BTBD9: variants seen among roughly 807,000 people sequenced by gnomAD.
BTBD9 encodes BTB/POZ domain-containing protein 9.
In BTBD9, 49 loss-of-function variants were observed where a neutral mutation model predicts 64.3. That is an observed-to-expected ratio of 0.76 (90% CI 0.61 to 0.97). The LOEUF is 0.97. Among genes scored for constraint, BTBD9 ranks in the 50% least tolerant of loss-of-function variants. The pLI is 0.00. For missense variants in BTBD9, 598 were observed against 762.1 expected, an observed-to-expected ratio of 0.78 and a Z score of 2.53; for synonymous variants, 260 against 274.7, an observed-to-expected ratio of 0.95 and a Z score of 0.53.
At chr6:38,485,868 T>TA (rs1187236894) in intron 6 of BTBD9, among the ~76,000 whole-genome samples, 1 of 152,214 alleles carries the variant, frequency 6.6e-6, no homozygotes, top group Admixed American at 6.5e-5. Flanking sequence ...CTCCAGCTAT[T>TA]AAAGTCCTGG....
chr6:38,637,819 ACTTTC>A (rs1263568938), intron 1 of BTBD9, among the ~76,000 whole-genome samples: 1 of 152,240 alleles, frequency 6.6e-6, no homozygotes, highest in Non-Finnish European at 1.5e-5. Context: ...AATATCCTTT[ACTTTC>A]AAGTAAGGAT....
At chr6:38,438,242 G>GTAA (rs1768840679) in intron 6 of BTBD9, among the ~76,000 whole-genome samples, 1 of 126,056 alleles carries the variant, frequency 7.9e-6, no homozygotes, top group Non-Finnish European at 1.8e-5. Flanking sequence ...GAGGGAGGGA[G>GTAA]GGAGGGAGGA....
chr6:38,268,314 G>C (rs1765084644), intron 8 of BTBD9, among the ~76,000 whole-genome samples: 1 of 152,192 alleles, frequency 6.6e-6, no homozygotes, highest in African/African-American at 2.4e-5. Context: ...CAGCGCCAAA[G>C]AGAAATTTAA....
intron 9 of BTBD9, among the ~76,000 whole-genome samples, chr6:38,217,606 G>A (rs549042014): frequency 6.6e-6 from 1 of 152,230 alleles, no homozygotes; most frequent in South Asian, 2.1e-4. Flanking sequence ...GAGAGGGGCT[G>A]TGATGGAACA....
intron 9 of BTBD9, among the ~76,000 whole-genome samples, chr6:38,233,651 C>A (rs1763685831): frequency 6.6e-6 from 1 of 152,186 alleles, no homozygotes; most frequent in South Asian, 2.1e-4. Flanking sequence ...TAGAGTTTAA[C>A]AGGAAGCAAT....
intron 9 of BTBD9, among the ~76,000 whole-genome samples, chr6:38,254,475 CAAA>C (rs566844594): frequency 6.7e-6 from 1 of 149,668 alleles, no homozygotes; most frequent in African/African-American, 2.5e-5. Context: ...AACAAACAAA[CAAA>C]AAAAAACAAT....
intron 7 of BTBD9, among the ~76,000 whole-genome samples, chr6:38,297,785 T>C (rs1762211557): frequency 6.6e-6 from 1 of 151,964 alleles, no homozygotes. Flanking sequence ...ATTTTCTATT[T>C]ACATGTTTTT....
chr6:38,364,288 C>T (rs962398086), intron 6 of BTBD9, among the ~76,000 whole-genome samples: 2 of 152,190 alleles, frequency 1.3e-5, no homozygotes, highest in African/African-American at 4.8e-5. Flanking sequence ...AAGAAAAGCG[C>T]TGTCATGCTG....
intron 8 of BTBD9, among the ~76,000 whole-genome samples, chr6:38,268,321 T>G (rs1192579083): frequency 6.6e-6 from 1 of 152,164 alleles, no homozygotes; most frequent in African/African-American, 2.4e-5. Context: ...AAAGAGAAAT[T>G]TAATAAGTGC....
chr6:38,601,949 A>C (rs1396604382), intron 1 of BTBD9, among the ~76,000 whole-genome samples: 1 of 152,200 alleles, frequency 6.6e-6, no homozygotes, highest in African/African-American at 2.4e-5. Context: ...TATAATTGCA[A>C]AACACATGTA....
intron 6 of BTBD9, among the ~76,000 whole-genome samples, chr6:38,520,799 A>G (rs1773242031): frequency 6.6e-6 from 1 of 151,832 alleles, no homozygotes; most frequent in African/African-American, 2.4e-5. Flanking sequence ...ATTTAAAAAA[A>G]AGCCAGGCCT....
chr6:38,524,707 T>A lies in BTBD9; in HGVS notation c.1154+52893A>T, dbSNP rs181258435. Among the ~76,000 whole-genome samples, 84 of 152,310 alleles carry A rather than the reference T, an allele frequency of 5.5e-4. 1 individual carries two copies. The highest frequency in any genetic ancestry group is 1.1e-3 in the Non-Finnish European group (77 of 68,034). ...AGCTGATATTCATTTTGGCAATATTTAAGTAACAAATTCAGTCACTTCTTG... is the reference window on the plus strand; with the variant it reads ...AGCTGATATTCATTTTGGCAATATTAAAGTAACAAATTCAGTCACTTCTTG... On this transcript the variant is annotated intron_variant, in intron 6 of 10. Coordinates refer to ENST00000481247, the MANE Select transcript of BTBD9 (RefSeq NM_001099272.2).
chr6:38,524,105 C>G (rs1413461322), intron 6 of BTBD9, among the ~76,000 whole-genome samples: 1 of 151,942 alleles, frequency 6.6e-6, no homozygotes, highest in Non-Finnish European at 1.5e-5. Context: ...ATTTTGATTT[C>G]TCCGCAATTA....
At chr6:38,561,481 A>T (rs1775261753) in intron 6 of BTBD9, among the ~76,000 whole-genome samples, 1 of 152,226 alleles carries the variant, frequency 6.6e-6, no homozygotes, top group African/African-American at 2.4e-5. Flanking sequence ...TTTACAAAAA[A>T]GATACATGAA....
At chr6:38,201,362 A>G (rs1414475050) in intron 9 of BTBD9, among the ~76,000 whole-genome samples, 1 of 152,234 alleles carries the variant, frequency 6.6e-6, no homozygotes, top group African/African-American at 2.4e-5. Flanking sequence ...ATTTCAATAG[A>G]CACAGAAAAA....
chr6:38,194,228 C>G (rs1762197854), intron 9 of BTBD9, among the ~76,000 whole-genome samples: 1 of 152,142 alleles, frequency 6.6e-6, no homozygotes, highest in South Asian at 2.1e-4. Flanking sequence ...GAACTGACCA[C>G]ACACTCATGT....
At chr6:38,453,310 C>T (rs550018060) in intron 6 of BTBD9, among the ~76,000 whole-genome samples, 4 of 152,186 alleles carry the variant, frequency 2.6e-5, no homozygotes, top group African/African-American at 7.2e-5. Flanking sequence ...TATTCCAAGG[C>T]GTTATTCTTT....
chr6:38,337,008 T>A (rs749787753), intron 7 of BTBD9, among the ~76,000 whole-genome samples: 1 of 152,162 alleles, frequency 6.6e-6, no homozygotes, highest in Admixed American at 6.5e-5. Context: ...AGCCTTAATA[T>A]CTGGTTAGAG....
At chr6:38,598,181 C>T in intron 1 of BTBD9, 60 bp from the exon 2 acceptor site, 1 of 1,319,700 alleles carries the variant, frequency 7.6e-7, no homozygotes, top group East Asian at 2.3e-5. Context: ...TAGAAAATCA[C>T]TTACCATAAA....
Sources: allele counts gnomAD v4.1 joint callset (sites outside exome capture counted in the v4.1 genomes callset), GRCh38; gene constraint gnomAD v4.1.1; transcripts MANE v1.5; gene names NCBI Gene and HGNC (gene_info 2026-07-23, HGNC 2026-07-21).